Variants in MZT2A observed in about 807,000 individuals in gnomAD.
The protein encoded by MZT2A is mitotic spindle organizing protein 2A.
A neutral mutation model predicts 12.4 loss-of-function variants in MZT2A; 8 were observed. The ratio of observed to expected loss-of-function variants is 0.64; its 90% CI spans 0.38 to 1.16. The LOEUF (loss-of-function observed/expected upper bound fraction) is 1.16, where lower values mean the gene tolerates loss of function less well. Among genes scored for constraint, MZT2A ranks in the 50% most tolerant of loss-of-function variants. MZT2A has a pLI of 0.01. For synonymous variants in MZT2A, 88 were observed against 107.5 expected (o/e 0.82, Z 1.12); for missense variants, 181 against 223.6 (o/e 0.81, Z 1.22).
downstream of MZT2A, chr2:131,480,819 C>G: frequency 1.9e-6 from 3 of 1,562,248 alleles, no homozygotes; most frequent in Non-Finnish European, 2.6e-6. Flanking sequence ...CCCTGAAGGC[C>G]CACATCCTTT....
downstream of MZT2A, chr2:131,483,929 TAAA>T (rs59953699): frequency 7.7e-4 from 1,000 of 1,297,096 alleles, no homozygotes; most frequent in East Asian, 4.1e-3. Context: ...TGCCTTAATA[TAAA>T]AAAAAAAAAA....
In MZT2A at chr2:131,484,037, G is replaced by A. The variant is rs1678952798; in HGVS notation, c.*24C>T. On this transcript the variant is annotated 3_prime_UTR_variant, in exon 3 of 3. Transcript: ENST00000309451. ...ACATGTAGCCTTTGCTGGGGACAAA[G>A]ATGTGACAAGTCTCTGCCCCATCCT... is the stretch of plus-strand genomic sequence containing the variant. 6.3e-7 allele frequency: 1 copy of A among 1,585,246 alleles called. No homozygotes were observed. The highest frequency in any genetic ancestry group is 8.6e-7 in the Non-Finnish European group (1 of 1,160,690).
chr2:131,490,411 A>T (rs1679242529), intron 2 of MZT2A: 3 of 1,225,412 alleles, frequency 2.4e-6, no homozygotes. Flanking sequence ...AGCACACTGC[A>T]CCCGGCTGGC....
chr2:131,479,240 C>A, downstream of MZT2A: 17 of 1,575,982 alleles, frequency 1.1e-5, no homozygotes, highest in Non-Finnish European at 1.5e-5. Context: ...AGTGAACACT[C>A]CTGGAATGTG....
chr2:131,492,178 A>G, intron 1 of MZT2A, 29 bp downstream of exon 1: 1 of 1,538,554 alleles, frequency 6.5e-7, no homozygotes. Context: ...GTGTCTGGCG[A>G]GCATGCGGCC....
intron 2 of MZT2A, among the ~76,000 whole-genome samples, chr2:131,475,400 G>A (rs1336417143): frequency 7.1e-6 from 1 of 140,206 alleles, no homozygotes; most frequent in Non-Finnish European, 1.5e-5. Context: ...CCCAATCTCG[G>A]CTCACTGCAA....
rs1298960474 is a variant in MZT2A at position 131,491,597 on chromosome 2, C to T, written c.319+279G>A. Reference sequence around the variant, plus strand: ...GATTCCCGACTTTGTAGGATGAAGGCCTGAGTGAAGAGGTGGGGAGGAGCT... The same window carrying T: ...GATTCCCGACTTTGTAGGATGAAGGTCTGAGTGAAGAGGTGGGGAGGAGCT... On this transcript the variant is annotated intron_variant, in intron 2 of 2. Coordinates refer to ENST00000309451, the MANE Select transcript of MZT2A (RefSeq NM_001085365.2). 6 of 567,744 alleles carry T rather than the reference C, an allele frequency of 1.1e-5. No homozygotes were observed. The South Asian group carries it at 1.1e-4, about 10-fold the overall frequency. 35.2% of individuals were successfully genotyped at this position (567,744 alleles called of 1,614,324 possible). A position where few individuals can be genotyped will look rare whatever the true frequency, so the allele number is the denominator to read the frequency against.
downstream of MZT2A, chr2:131,479,506 T>G: frequency 6.2e-7 from 1 of 1,601,104 alleles, no homozygotes; most frequent in Non-Finnish European, 8.5e-7. Context: ...GGAGGGGTAG[T>G]TCTTGGAATG....
chr2:131,485,837 AC>A (rs923288189), intron 2 of MZT2A, among the ~76,000 whole-genome samples: 34 of 151,682 alleles, frequency 2.2e-4, no homozygotes, highest in Admixed American at 2.6e-4. Flanking sequence ...ACCATCTGTC[AC>A]CCTGAACAAG....
chr2:131,480,305 C>G (rs560756950), downstream of MZT2A: 7 of 1,613,344 alleles, frequency 4.3e-6, no homozygotes, highest in African/African-American at 1.3e-5. Flanking sequence ...CCTTCATGGT[C>G]GACAATGAAG....
chr2:131,485,608 T>C (rs1325808168), intron 2 of MZT2A, among the ~76,000 whole-genome samples: 1 of 152,140 alleles, frequency 6.6e-6, no homozygotes, highest in Non-Finnish European at 1.5e-5. Flanking sequence ...CAACTGGCTC[T>C]CATCTTGGAA....
downstream of MZT2A, chr2:131,482,946 G>A (rs376552442): frequency 6.5e-7 from 1 of 1,535,482 alleles, no homozygotes; most frequent in South Asian, 1.3e-5. Context: ...CCCTCTGTGT[G>A]TCGTGCAGCT....
chr2:131,489,875 C>T (rs943783882), intron 2 of MZT2A: 116 of 969,974 alleles, frequency 1.2e-4, no homozygotes, highest in Non-Finnish European at 1.4e-4. Flanking sequence ...TTCCCTGCCA[C>T]GCCCTCTGCC....
In MZT2A at chr2:131,474,388, C is replaced by T. The variant is rs555996831; in HGVS notation, c.279-2206G>A. On this transcript the variant is annotated intron_variant and NMD_transcript_variant, in intron 2 of 4. Coordinates refer to the MZT2A transcript ENST00000427024. ...CTGGGATTACAGGCATGAGCCACCGCGCCCAGTCTTCTTCTTCTTTTTTTT... is the reference window on the plus strand; with the variant it reads ...CTGGGATTACAGGCATGAGCCACCGTGCCCAGTCTTCTTCTTCTTTTTTTT... Among the ~76,000 whole-genome samples the T allele has an allele frequency of 3.1e-4, 45 of 146,152 alleles. No individual in the cohort carries two copies. In the South Asian group the frequency reaches 9.2e-3, roughly 30 times the overall value.
upstream of MZT2A, chr2:131,493,025 C>T (rs569051597): frequency 6.7e-7 from 1 of 1,488,424 alleles, no homozygotes; most frequent in East Asian, 2.5e-5. Context: ...GGTAGAAGCG[C>T]TTTTCCCGCC....
At chr2:131,493,155 ACG>A (rs1204185379), upstream of MZT2A, 25 of 1,436,986 alleles carry the variant, frequency 1.7e-5, no homozygotes, top group Non-Finnish European at 2.1e-5. Flanking sequence ...GTGGCGCGGG[ACG>A]CGCGCGTGAG....
At chr2:131,492,866 TG>T, upstream of MZT2A, 1 of 1,492,810 alleles carries the variant, frequency 6.7e-7, no homozygotes, top group Non-Finnish European at 9.0e-7. Context: ...AGCCCTACCT[TG>T]GGGCGCCAGA....
intron 3 of MZT2A, among the ~76,000 whole-genome samples, chr2:131,470,695 A>G (rs1480107433): frequency 6.9e-6 from 1 of 145,406 alleles, no homozygotes; most frequent in African/African-American, 2.9e-5. Flanking sequence ...TGGGCACTCA[A>G]TATAGTTACT....
At chr2:131,476,121 G>A (rs1267570548) in intron 2 of MZT2A, 8 of 1,610,596 alleles carry the variant, frequency 5.0e-6, no homozygotes, top group Non-Finnish European at 6.8e-6. Context: ...CAGGCAGGAG[G>A]TTGCAGTTGG....
Sources: allele counts gnomAD v4.1 joint callset (sites outside exome capture counted in the v4.1 genomes callset), GRCh38; gene constraint gnomAD v4.1.1; transcripts MANE v1.5; gene names NCBI Gene and HGNC (gene_info 2026-07-23, HGNC 2026-07-21).